Variants in ST6GAL2 observed in about 807,000 individuals in gnomAD.
ST6GAL2 encodes the protein ST6 beta-galactoside alpha-2,6-sialyltransferase 2.
A neutral mutation model predicts 37.5 loss-of-function variants in ST6GAL2; 24 were observed. The ratio of observed to expected loss-of-function variants is 0.64; its 90% confidence interval spans 0.46 to 0.90. The LOEUF (loss-of-function observed/expected upper bound fraction) is 0.90. Among genes scored for constraint, ST6GAL2 ranks in the 40% least tolerant of loss-of-function variants. ST6GAL2 has a pLI of 0.00. For synonymous variants in ST6GAL2, 306 were observed against 295.1 expected (o/e 1.04, Z -0.38); for missense variants, 715 against 712.7 (o/e 1.00, Z -0.04).
intron 5 of ST6GAL2, among the ~76,000 whole-genome samples, chr2:106,814,261 C>T (rs1033097573): frequency 2.6e-5 from 4 of 152,010 alleles, no homozygotes; most frequent in African/African-American, 4.8e-5. Flanking sequence ...TTGACACGAT[C>T]CTAAATATAG....
At chr2:106,857,079 A>T (rs1415387210) in intron 1 of ST6GAL2, among the ~76,000 whole-genome samples, 6 of 152,200 alleles carry the variant, frequency 3.9e-5, no homozygotes, top group Non-Finnish European at 7.3e-5. Flanking sequence ...TTTGCTTTGC[A>T]AGGCTTTGTA....
intron 1 of ST6GAL2, among the ~76,000 whole-genome samples, chr2:106,847,257 T>A (rs1374149526): frequency 6.6e-6 from 1 of 152,244 alleles, no homozygotes; most frequent in Non-Finnish European, 1.5e-5. Context: ...TGAACAGTTG[T>A]GGATGTGCAT....
chr2:106,886,272 G>A (rs970868575), upstream of ST6GAL2: 3 of 152,200 alleles, frequency 2.0e-5, no homozygotes, highest in African/African-American at 7.2e-5. Context: ...CTGGGACCCT[G>A]GCCGGGGTCC....
At chr2:106,852,517 A>G (rs1677410472) in intron 1 of ST6GAL2, among the ~76,000 whole-genome samples, 1 of 152,242 alleles carries the variant, frequency 6.6e-6, no homozygotes, top group East Asian at 1.9e-4. Flanking sequence ...GGTGGGGACT[A>G]CATCTTATTC....
intron 5 of ST6GAL2, among the ~76,000 whole-genome samples, chr2:106,825,671 T>C (rs1202559844): frequency 6.6e-6 from 1 of 152,224 alleles, no homozygotes; most frequent in Admixed American, 6.5e-5. Context: ...AGAAATACAA[T>C]GATGAGCAGA....
At position 106,829,953 on chromosome 2, in the gene ST6GAL2, A is replaced by C. The variant is rs1676350553; in HGVS notation, c.1318+113T>G. ...CAAAATCAGAAATACTTCTGGTTCC[A>C]GGCATTTCAGATAAGGTATTTTCAA... On this transcript the variant is annotated intron_variant, in intron 5 of 5. Transcript: ENST00000409382. 4.0e-6 allele frequency: 4 copies of C among 989,534 alleles called. No homozygotes were observed. The South Asian group carries it at 6.4e-5, about 16-fold the overall frequency. The allele number at this position is 989,534 out of a possible 1,614,324, so 61.3% of individuals were successfully genotyped here.
chr2:106,883,424 CCATT>C (rs1488391390), intron 1 of ST6GAL2, among the ~76,000 whole-genome samples: 1 of 152,050 alleles, frequency 6.6e-6, no homozygotes, highest in Admixed American at 6.6e-5. Flanking sequence ...CATCTACAGC[CCATT>C]CAGTGTTTGG....
chr2:106,820,052 AAAG>A (rs1675940096), intron 5 of ST6GAL2, among the ~76,000 whole-genome samples: 1 of 152,116 alleles, frequency 6.6e-6, no homozygotes, highest in Non-Finnish European at 1.5e-5. Context: ...AGAAGGAAGG[AAAG>A]AAGAAAGAGG....
intron 5 of ST6GAL2, among the ~76,000 whole-genome samples, chr2:106,811,687 A>G (rs895321912): frequency 1.1e-4 from 16 of 152,114 alleles, no homozygotes; most frequent in Non-Finnish European, 1.6e-4. Context: ...CAATGCCCCA[A>G]TGCTGAGCCT....
chr2:106,854,034 A>G (rs1269194716), intron 1 of ST6GAL2, among the ~76,000 whole-genome samples: 3 of 152,178 alleles, frequency 2.0e-5, no homozygotes, highest in African/African-American at 7.2e-5. Flanking sequence ...GGCTAATACT[A>G]AGAAGATGGA....
Position 106,881,264 on chromosome 2 carries a change from T to C in ST6GAL2, c.-58+4829A>G, listed in dbSNP as rs1353120878. ...TCAGCCTCCCAAAGTGTTGGGATTA[T>C]AGGCACTGCACCAGGCCCATACAGA... On this transcript the variant is annotated intron_variant, in intron 1 of 5. Transcript: ENST00000409382. 3.9e-5 allele frequency among the ~76,000 whole-genome samples: 6 copies of C among 152,214 alleles called. No homozygotes were observed. In the East Asian group the frequency reaches 9.6e-4, roughly 24 times the overall value.
chr2:106,811,430 G>A (rs1025611174), intron 5 of ST6GAL2, among the ~76,000 whole-genome samples: 1 of 152,100 alleles, frequency 6.6e-6, no homozygotes, highest in Non-Finnish European at 1.5e-5. Context: ...GAAGAATAGA[G>A]TCTTTAAGTG....
At chr2:106,833,192 T>G (rs1324197770) in intron 3 of ST6GAL2, among the ~76,000 whole-genome samples, 1 of 152,208 alleles carries the variant, frequency 6.6e-6, no homozygotes. Flanking sequence ...AAGATACTTT[T>G]TTTTTTTAAC....
chr2:106,832,866 A>T (rs540849071), intron 3 of ST6GAL2, among the ~76,000 whole-genome samples, 200 bp from the exon 4 acceptor site: 8 of 151,786 alleles, frequency 5.3e-5, no homozygotes, highest in Middle Eastern at 3.5e-3. Context: ...CTTTTTTTTA[A>T]AAAAAAGCAC....
chr2:106,806,448 CT>C lies in ST6GAL2; in HGVS notation c.*229del, dbSNP rs1675416176. ...TACATGTGTTTTCTTTCTAGCTATC[CT>C]TGGTTTTGCATCTTTCTTGAGCCTT... On this transcript the variant is annotated 3_prime_UTR_variant, in exon 6 of 6. Coordinates refer to ENST00000409382, the MANE Select transcript of ST6GAL2 (RefSeq NM_001142351.2). The C allele has an allele frequency of 3.9e-6, 2 of 512,922 alleles. No individual in the cohort carries two copies. Among genetic ancestry groups the C allele is most frequent in the Admixed American group, 7.2e-5 (2 of 27,876 alleles). 31.8% of individuals were successfully genotyped at this position (512,922 alleles called of 1,614,324 possible).
intron 1 of ST6GAL2, among the ~76,000 whole-genome samples, chr2:106,874,287 G>C (rs1178211602): frequency 1.3e-5 from 2 of 152,120 alleles, no homozygotes; most frequent in East Asian, 3.9e-4. Context: ...GTAAGTTAAT[G>C]GGAGTTGGTG....
chr2:106,820,577 G>A (rs777841163), intron 5 of ST6GAL2, among the ~76,000 whole-genome samples: 2 of 152,032 alleles, frequency 1.3e-5, no homozygotes, highest in Non-Finnish European at 2.9e-5. Flanking sequence ...AGGTCATACA[G>A]ACAGAAAATC....
intron 5 of ST6GAL2, among the ~76,000 whole-genome samples, chr2:106,816,433 A>G (rs1354370787): frequency 6.6e-6 from 1 of 152,232 alleles, no homozygotes; most frequent in African/African-American, 2.4e-5. Flanking sequence ...ATAATTATCA[A>G]TAATTGATAT....
At chr2:106,886,033 C>G (rs1473108218) in intron 1 of ST6GAL2, 60 bp downstream of exon 1, 2 of 152,290 alleles carry the variant, frequency 1.3e-5, no homozygotes, top group African/African-American at 4.8e-5. Context: ...CACAGCAGCG[C>G]GGAGGCTGCA....
Sources: allele counts gnomAD v4.1 joint callset (sites outside exome capture counted in the v4.1 genomes callset), GRCh38; gene constraint gnomAD v4.1.1; transcripts MANE v1.5; gene names NCBI Gene and HGNC (gene_info 2026-07-23, HGNC 2026-07-21).